The following DPH6 variants were observed in gnomAD, a reference collection of about 807,000 sequenced individuals.
DPH6 encodes the protein diphthine--ammonia ligase.
In DPH6, 33 loss-of-function variants were observed where a neutral mutation model predicts 38.2. The observed-to-expected ratio is 0.86, with a 90% CI of 0.65 to 1.15. The LOEUF is 1.15. Among genes scored for constraint, DPH6 ranks in the 50% most tolerant of loss-of-function variants. DPH6 has a pLI of 0.00. For synonymous variants in DPH6, 108 were observed against 103.0 expected (o/e 1.05, Z -0.30); for missense variants, 325 against 320.0 (o/e 1.02, Z -0.12).
chr15:35,217,066 T>C (rs890332006), downstream of DPH6, among the ~76,000 whole-genome samples: 6 of 152,206 alleles, frequency 3.9e-5, no homozygotes, highest in Non-Finnish European at 5.9e-5. Context: ...TCAGTGATAT[T>C]TGAATCAATA....
intron 3 of DPH6, among the ~76,000 whole-genome samples, chr15:35,333,847 C>G (rs2052346398): frequency 6.6e-6 from 1 of 152,074 alleles, no homozygotes; most frequent in African/African-American, 2.4e-5. Flanking sequence ...CAGCACTATT[C>G]ACAATAGCAA....
intron 3 of DPH6, among the ~76,000 whole-genome samples, chr15:35,274,630 CAT>C (rs1259996690): frequency 7.2e-5 from 11 of 151,902 alleles, no homozygotes; most frequent in Admixed American, 4.6e-4. Context: ...AGCCAACAAA[CAT>C]ATGAAAGAAA....
intron 6 of DPH6, among the ~76,000 whole-genome samples, chr15:35,403,957 A>G (rs540289487): frequency 6.6e-5 from 10 of 152,014 alleles, no homozygotes; most frequent in Non-Finnish European, 1.5e-4. Context: ...AGATCCCACA[A>G]ATAAGTGACA....
chr15:35,361,402 G>A lies in DPH6; in HGVS notation n.207+12119C>T, dbSNP rs144144495. ...AACAGTTTGATTGTAATGTATCTAA[G>A]TGCAGGCCTTTTTAGGTTTGTCTTA... On this transcript the variant is annotated intron_variant and non_coding_transcript_variant, in intron 3 of 3. Transcript: ENST00000558973. Among the ~76,000 whole-genome samples the A allele has an allele frequency of 6.9e-3, 1,058 of 152,232 alleles. 15 individuals are homozygous for A. The highest frequency in any genetic ancestry group is 0.024 in the African/African-American group (987 of 41,534).
chr15:35,399,880 C>T (rs2053194048), intron 6 of DPH6, among the ~76,000 whole-genome samples: 1 of 152,186 alleles, frequency 6.6e-6, no homozygotes, highest in Non-Finnish European at 1.5e-5. Flanking sequence ...TCTTAGAAAT[C>T]TCTTGGAGAA....
chr15:35,494,583 C>G (rs2054524142), intron 3 of DPH6, among the ~76,000 whole-genome samples: 1 of 152,008 alleles, frequency 6.6e-6, no homozygotes, highest in Non-Finnish European at 1.5e-5. Flanking sequence ...AAGTAATTTT[C>G]CCAGTTTTCT....
the DPH6 span, among the ~76,000 whole-genome samples, chr15:35,163,226 G>T: frequency 6.6e-6 from 1 of 151,760 alleles, no homozygotes; most frequent in Non-Finnish European, 1.5e-5. Flanking sequence ...AGAATAGTTT[G>T]TTCTCTTCCC....
intron 3 of DPH6, among the ~76,000 whole-genome samples, chr15:35,483,578 G>C (rs1289642012): frequency 2.0e-5 from 3 of 152,066 alleles, no homozygotes; most frequent in Non-Finnish European, 4.4e-5. Context: ...GATAATGGGA[G>C]GAAACATTTA....
At chr15:35,496,567 A>AAAAATATATAT in intron 3 of DPH6, among the ~76,000 whole-genome samples, 1 of 31,012 alleles carries the variant, frequency 3.2e-5, no homozygotes, top group Non-Finnish European at 5.3e-5. Flanking sequence ...AAAAAAAAAA[A>AAAAATATATAT]ATATATATAT....
At chr15:35,168,498 T>TA in the DPH6 span, among the ~76,000 whole-genome samples, 1 of 152,000 alleles carries the variant, frequency 6.6e-6, no homozygotes, top group African/African-American at 2.4e-5. Flanking sequence ...AAGCAGTTTT[T>TA]ACTGATGATA....
At chr15:35,389,486 G>A (rs1468237499) in intron 6 of DPH6, among the ~76,000 whole-genome samples, 2 of 152,152 alleles carry the variant, frequency 1.3e-5, no homozygotes, top group East Asian at 3.8e-4. Context: ...AAGTTTCTTT[G>A]TAGGTCACTA....
At chr15:35,525,774 AG>A (rs2054991386) in intron 3 of DPH6, among the ~76,000 whole-genome samples, 1 of 152,120 alleles carries the variant, frequency 6.6e-6, no homozygotes, top group South Asian at 2.1e-4. Flanking sequence ...TGGGAGTTCA[AG>A]GGTGCAGTGA....
chr15:35,542,807 G>T (rs2055274773), intron 1 of DPH6, among the ~76,000 whole-genome samples: 1 of 146,620 alleles, frequency 6.8e-6, no homozygotes, highest in Non-Finnish European at 1.5e-5. Flanking sequence ...AATAGAAAAT[G>T]ATTTCAATTT....
At chr15:35,428,629 C>T (rs763184119) in intron 5 of DPH6, among the ~76,000 whole-genome samples, 3 of 152,088 alleles carry the variant, frequency 2.0e-5, no homozygotes, top group Non-Finnish European at 4.4e-5. Flanking sequence ...ACGCTAAGAC[C>T]TGTTTCACTG....
intron 3 of DPH6, among the ~76,000 whole-genome samples, chr15:35,468,811 T>C (rs2054160975): frequency 1.3e-5 from 2 of 151,990 alleles, no homozygotes; most frequent in African/African-American, 2.4e-5. Context: ...CTCATGCCAG[T>C]AATCCCAGCA....
intron 6 of DPH6, chr15:35,401,053 A>T (rs2053212466): frequency 1.0e-5 from 9 of 890,550 alleles, no homozygotes; most frequent in Non-Finnish European, 1.5e-5. Flanking sequence ...CACCTAAGAG[A>T]TTATTTTCAA....
rs1309247603 is a variant in DPH6 at position 35,298,772 on chromosome 15, C to T, written n.200+74749G>A. 8 of 1,351,418 alleles carry T rather than the reference C, an allele frequency of 5.9e-6. No homozygotes were observed. In the Admixed American group the frequency reaches 8.4e-5, roughly 14 times the overall value. 83.7% of individuals were successfully genotyped at this position (1,351,418 alleles called of 1,614,324 possible). On this transcript the variant is annotated intron_variant and non_coding_transcript_variant, in intron 3 of 3. Coordinates refer to the DPH6 transcript ENST00000560386. The stretch of plus-strand genomic sequence containing the variant: ...CCCCAAGTTAGCGAGGAAGGAGTTG[C>T]GCTGGGCCGGGTTGGAGATCTCGGT...
chr15:35,344,214 T>A (rs2052444388), intron 3 of DPH6, among the ~76,000 whole-genome samples: 1 of 151,998 alleles, frequency 6.6e-6, no homozygotes, highest in South Asian at 2.1e-4. Context: ...TGGCAGGACA[T>A]ACATTAAGTT....
intron 3 of DPH6, among the ~76,000 whole-genome samples, chr15:35,260,133 G>T (rs2140417031): frequency 6.6e-6 from 1 of 152,168 alleles, no homozygotes; most frequent in South Asian, 2.1e-4. Flanking sequence ...TTTTGAGACA[G>T]AGTCTTGCTC....
Sources: gnomAD v4.1 joint callset for allele counts (sites outside exome capture counted in the v4.1 genomes callset) on GRCh38, gnomAD v4.1.1 for gene constraint, MANE v1.5 for transcripts, NCBI Gene and HGNC (gene_info 2026-07-23, HGNC 2026-07-21) for gene names.